Variants in LOC128462377 observed in about 807,000 individuals in gnomAD.
the LOC128462377 span, among the ~76,000 whole-genome samples, chr16:89,348,874 A>T: frequency 1.1e-3 from 150 of 132,432 alleles, 6 homozygotes; most frequent in Admixed American, 6.3e-3. Flanking sequence ...TATTGTCTTT[A>T]AAAAAAAAAA....
the LOC128462377 span, among the ~76,000 whole-genome samples, chr16:89,398,983 G>A: frequency 6.6e-6 from 1 of 152,140 alleles, no homozygotes; most frequent in African/African-American, 2.4e-5. Context: ...TCTCCCATCA[G>A]CATCATCAGT....
the LOC128462377 span, among the ~76,000 whole-genome samples, chr16:89,397,726 A>C: frequency 6.6e-6 from 1 of 152,230 alleles, no homozygotes; most frequent in African/African-American, 2.4e-5. Context: ...TGTCAAGATG[A>C]AGATGATGCA....
chr16:89,348,099 T>C, the LOC128462377 span, among the ~76,000 whole-genome samples: 1 of 152,000 alleles, frequency 6.6e-6, no homozygotes, highest in African/African-American at 2.4e-5. Context: ...GCCCAGCTCA[T>C]TTTTGTATTT....
chr16:89,414,583 G>A, the LOC128462377 span, among the ~76,000 whole-genome samples: 3 of 152,220 alleles, frequency 2.0e-5, no homozygotes, highest in African/African-American at 7.2e-5. Context: ...TAATCTCCAA[G>A]GAAGTCTTTA....
At chr16:89,370,201 T>C in the LOC128462377 span, among the ~76,000 whole-genome samples, 1 of 152,234 alleles carries the variant, frequency 6.6e-6, no homozygotes, top group South Asian at 2.1e-4. Context: ...GGGGTGGAGC[T>C]GCTTCTTCTC....
the LOC128462377 span, among the ~76,000 whole-genome samples, chr16:89,345,398 C>CT: frequency 6.6e-6 from 1 of 152,164 alleles, no homozygotes; most frequent in Non-Finnish European, 1.5e-5. Context: ...TGGACGAACG[C>CT]TGGCTGCTAT....
chr16:89,329,968 C>T, the LOC128462377 span, among the ~76,000 whole-genome samples: 8 of 147,060 alleles, frequency 5.4e-5, no homozygotes, highest in South Asian at 8.5e-4. Flanking sequence ...CCAGCCTGGG[C>T]GACAGACAAG....
At chr16:89,317,211 C>T in the LOC128462377 span, 9 of 715,712 alleles carry the variant, frequency 1.3e-5, no homozygotes, top group Non-Finnish European at 2.2e-5. Context: ...GGGCCCGGGC[C>T]AGGCCCAGGA....
the LOC128462377 span, among the ~76,000 whole-genome samples, chr16:89,331,295 T>C: frequency 6.6e-6 from 1 of 152,216 alleles, no homozygotes; most frequent in Admixed American, 6.5e-5. Context: ...GTGTTTCTTT[T>C]TACTCTATAA....
chr16:89,397,509 G>A, the LOC128462377 span, among the ~76,000 whole-genome samples: 1 of 152,196 alleles, frequency 6.6e-6, no homozygotes, highest in Non-Finnish European at 1.5e-5. Context: ...TGCTATCCGC[G>A]CTCCTTTCTG....
At chr16:89,365,411 T>A in the LOC128462377 span, among the ~76,000 whole-genome samples, 2 of 152,008 alleles carry the variant, frequency 1.3e-5, no homozygotes, top group African/African-American at 4.8e-5. Flanking sequence ...CACACAAGAG[T>A]GAGAGCCACT....
the LOC128462377 span, among the ~76,000 whole-genome samples, chr16:89,371,678 C>G: frequency 6.6e-6 from 1 of 152,110 alleles, no homozygotes; most frequent in Non-Finnish European, 1.5e-5. Flanking sequence ...CCCCCTGCAC[C>G]CCCTCAGGAT....
the LOC128462377 span, chr16:89,324,265 A>G: frequency 8.1e-7 from 1 of 1,237,726 alleles, no homozygotes. Context: ...GCTGTGGAAC[A>G]TACAGGAGCC....
chr16:89,355,114 G>A, the LOC128462377 span, among the ~76,000 whole-genome samples: 2 of 152,192 alleles, frequency 1.3e-5, no homozygotes, highest in African/African-American at 2.4e-5. Context: ...CTGGGCAGCT[G>A]CCCTGTGGTC....
At chr16:89,413,874 T>TG in the LOC128462377 span, among the ~76,000 whole-genome samples, 3 of 152,136 alleles carry the variant, frequency 2.0e-5, no homozygotes, top group Admixed American at 6.5e-5. Flanking sequence ...AAGGCCAGAC[T>TG]GGGGGGAGGC....
the LOC128462377 span, among the ~76,000 whole-genome samples, chr16:89,363,308 G>A: frequency 6.6e-6 from 1 of 152,066 alleles, no homozygotes; most frequent in Admixed American, 6.6e-5. Flanking sequence ...ATGCGAATTT[G>A]TTATTTATGC....
chr16:89,376,843 A>T, the LOC128462377 span, among the ~76,000 whole-genome samples: 1 of 152,228 alleles, frequency 6.6e-6, no homozygotes. Flanking sequence ...CTGGGATAGA[A>T]GGCAAGAAGG....
At chr16:89,345,462 G>A in the LOC128462377 span, among the ~76,000 whole-genome samples, 7 of 152,152 alleles carry the variant, frequency 4.6e-5, no homozygotes, top group Non-Finnish European at 1.0e-4. Flanking sequence ...CTGCAGCCAC[G>A]GAAGGACGAA....
At chr16:89,329,493 A>G in the LOC128462377 span, among the ~76,000 whole-genome samples, 3 of 152,238 alleles carry the variant, frequency 2.0e-5, no homozygotes, top group Non-Finnish European at 4.4e-5. Flanking sequence ...CCCCAACGGT[A>G]TACGTTTCCC....
Sources: allele counts gnomAD v4.1 joint callset (sites outside exome capture counted in the v4.1 genomes callset), GRCh38; gene constraint gnomAD v4.1.1; transcripts MANE v1.5.